ASPA: variants seen among roughly 807,000 people sequenced by gnomAD.
The protein encoded by ASPA is ACY-2.
A neutral mutation model predicts 29.6 loss-of-function variants in ASPA; 25 were observed. That is an observed-to-expected ratio of 0.85 (90% CI 0.62 to 1.18). The LOEUF is 1.18. Among genes scored for constraint, ASPA ranks in the 50% most tolerant of loss-of-function variants. The pLI, the probability that ASPA is intolerant of heterozygous loss-of-function variation, is 0.00. For missense variants in ASPA, 333 were observed against 385.7 expected (o/e 0.86, Z 1.14); for synonymous variants, 131 against 130.3 (o/e 1.01, Z -0.04).
chr17:3,496,882 C>T (rs185878294), intron 5 of ASPA, among the ~76,000 whole-genome samples: 37 of 152,106 alleles, frequency 2.4e-4, no homozygotes, highest in Admixed American at 1.2e-3. Context: ...CTGGCTAACA[C>T]GGTGAAACCC....
intron 5 of ASPA, among the ~76,000 whole-genome samples, chr17:3,494,870 G>A (rs930217990): frequency 1.3e-5 from 2 of 152,128 alleles, no homozygotes; most frequent in Non-Finnish European, 2.9e-5. Context: ...GGAAATACAG[G>A]GACGGAAGTT....
rs747159862 is a variant in ASPA at position 3,476,339 on chromosome 17, G to C, written c.180G>C (p.Lys60Asn). Reference sequence around the variant, plus strand: ...TTACTAACCCCAGAGCAGTGAAGAAGTGTACCAGATATATTGACTGTGACC... The same window carrying C: ...TTACTAACCCCAGAGCAGTGAAGAACTGTACCAGATATATTGACTGTGACC... ...PFITNPRAVKKCTRYIDCDLN... is the reference protein window; with the variant it reads ...PFITNPRAVKNCTRYIDCDLN... The change falls in exon 1 of 6, where the codon AAG becomes AAC. Residue 60 changes from lysine (K) to asparagine (N), a missense_variant. Lys to Asn is a moderately conservative substitution (Grantham distance 94). Coordinates refer to ENST00000263080, the MANE Select transcript of ASPA (RefSeq NM_000049.4). 1 of 1,614,150 alleles carries C rather than the reference G, an allele frequency of 6.2e-7. No individual in the cohort carries two copies. The highest frequency in any genetic ancestry group is 1.1e-5 in the South Asian group (1 of 91,082).
At chr17:3,497,924 G>T (rs188186896) in intron 5 of ASPA, among the ~76,000 whole-genome samples, 2 of 152,216 alleles carry the variant, frequency 1.3e-5, no homozygotes, top group Non-Finnish European at 2.9e-5. Flanking sequence ...AGTTTGAGAA[G>T]AACTGTTCTG....
intron 1 of ASPA, among the ~76,000 whole-genome samples, chr17:3,480,464 A>G (rs1182455865): frequency 6.6e-6 from 1 of 152,206 alleles, no homozygotes; most frequent in Non-Finnish European, 1.5e-5. Context: ...GCGCTGAATC[A>G]GTTCCTACGT....
upstream of ASPA, among the ~76,000 whole-genome samples, chr17:3,475,172 A>G (rs944346823): frequency 6.6e-6 from 1 of 152,222 alleles, no homozygotes; most frequent in East Asian, 1.9e-4. Flanking sequence ...CATGAAATCA[A>G]ATCAGATTTG....
rs1567611129 is a variant in ASPA at position 3,481,754 on chromosome 17, G to C, written c.388G>C (p.Asp130His). The part of the protein sequence containing the change: ...SNMGCTLILE[D>H]SRNNFLIQMF... ...CATGGGGTGCACTCTTATTCTTGAG[G>C]ATTCCAGGAATAACTTTTTAATTCA... The change falls in exon 2 of 6, where the codon GAT (aspartate) becomes CAT (histidine). Residue 130 changes from aspartate to histidine, a missense_variant. Asp to His is a moderately conservative substitution (Grantham distance 81, BLOSUM62 -1). Coordinates refer to ENST00000263080, the MANE Select transcript of ASPA (RefSeq NM_000049.4). 1 of 1,612,888 alleles carries C rather than the reference G, an allele frequency of 6.2e-7. No individual in the cohort carries two copies. Among genetic ancestry groups the C allele is most frequent in the Non-Finnish European group, 8.5e-7 (1 of 1,179,420 alleles).
Position 3,499,339 on chromosome 17 carries a change from G to A in ASPA, c.*251G>A. On this transcript the variant is annotated 3_prime_UTR_variant, in exon 6 of 6. Coordinates refer to ENST00000263080, the MANE Select transcript of ASPA (RefSeq NM_000049.4). ...GTTTATTATACATGATACTTGGGTA[G>A]CTCAACATTCTTAATAAACAGCCTT... 3.2e-6 allele frequency: 1 copy of A among 316,474 alleles called. No homozygotes were observed. Among genetic ancestry groups the A allele is most frequent in the Non-Finnish European group, 5.7e-6 (1 of 176,028 alleles). The allele number at this position is 316,474 out of a possible 1,614,324, so 19.6% of individuals were successfully genotyped here. A position where few individuals can be genotyped will look rare whatever the true frequency, so the allele number is the denominator to read the frequency against.
intron 1 of ASPA, 81 bp from the exon 2 acceptor site, chr17:3,481,522 T>C (rs2073626266): frequency 7.3e-7 from 1 of 1,363,996 alleles, no homozygotes; most frequent in Admixed American, 2.1e-5. Context: ...CGACTGGTTC[T>C]TTTTACACTG....
At chr17:3,481,530 C>G in intron 1 of ASPA, 73 bp from the exon 2 acceptor site, 1 of 1,408,682 alleles carries the variant, frequency 7.1e-7, no homozygotes, top group Non-Finnish European at 9.8e-7. Context: ...TCTTTTTACA[C>G]TGTGTTCTTA....
intron 5 of ASPA, 123 bp from the exon 6 acceptor site, chr17:3,498,768 T>G (rs1214123418): frequency 3.0e-6 from 3 of 993,404 alleles, no homozygotes; most frequent in Non-Finnish European, 4.2e-6. Flanking sequence ...TCTCAATGCC[T>G]CGCTCAAGTA....
intron 3 of ASPA, among the ~76,000 whole-genome samples, chr17:3,483,970 TA>T (rs1247235989): frequency 2.0e-5 from 3 of 152,132 alleles, no homozygotes; most frequent in African/African-American, 7.2e-5. Context: ...AAATTATTTT[TA>T]AAAAAACATT....
At position 3,481,769 on chromosome 17, in the gene ASPA, T is replaced by A. The variant is rs759976840; in HGVS notation, c.403T>A (p.Phe135Ile). The change falls in exon 2 of 6, where the codon TTT becomes ATT. Residue 135 changes from phenylalanine to isoleucine, a missense_variant. Transcript: ENST00000263080. ...TATTCTTGAGGATTCCAGGAATAAC[T>A]TTTTAATTCAGATGTTTCATTACAT... ...TLILEDSRNNFLIQMFHYIKT... is the reference protein window; with the variant it reads ...TLILEDSRNNILIQMFHYIKT... 6.2e-7 allele frequency: 1 copy of A among 1,611,730 alleles called. No homozygotes were observed. Among genetic ancestry groups the A allele is most frequent in the Non-Finnish European group, 8.5e-7 (1 of 1,178,608 alleles).
chr17:3,494,569 A>C, intron 5 of ASPA, 110 bp downstream of exon 5: 4 of 877,110 alleles, frequency 4.6e-6, no homozygotes, highest in African/African-American at 1.7e-5. Flanking sequence ...TGATGCTCTC[A>C]TTAGACACTG....
At chr17:3,496,575 C>T (rs540443195) in intron 5 of ASPA, among the ~76,000 whole-genome samples, 6 of 152,208 alleles carry the variant, frequency 3.9e-5, no homozygotes, top group East Asian at 1.9e-4. Flanking sequence ...GAGCAGAGGA[C>T]GGTAGAGCCT....
At chr17:3,494,223 C>G (rs898690999) in intron 4 of ASPA, 127 bp from the exon 5 acceptor site, 12 of 699,946 alleles carry the variant, frequency 1.7e-5, no homozygotes, top group Middle Eastern at 2.6e-4. Flanking sequence ...AGGCTGTTCT[C>G]GAACTCCTGA....
intron 1 of ASPA, among the ~76,000 whole-genome samples, chr17:3,480,826 C>T (rs112944501): frequency 4.6e-5 from 7 of 152,316 alleles, no homozygotes; most frequent in African/African-American, 1.7e-4. Flanking sequence ...ACAAGGATAG[C>T]TTGGAGATTA....
chr17:3,502,690 C>T lies in ASPA; in HGVS notation c.*3602C>T, dbSNP rs2150767479. The T allele has an allele frequency of 6.6e-6, 1 of 152,376 alleles. No individual in the cohort carries two copies. Among genetic ancestry groups the T allele is most frequent in the South Asian group, 2.1e-4 (1 of 4,828 alleles). The allele number at this position is 152,376 out of a possible 1,614,324, so 9.4% of individuals were successfully genotyped here. A position where few individuals can be genotyped will look rare whatever the true frequency, so the allele number is the denominator to read the frequency against. ...TTGCTACTGTGGCATGCCCACTGCT[C>T]TGCACTGACCTCATGGAGCAGAGAA... is the stretch of plus-strand genomic sequence containing the variant. On this transcript the variant is annotated 3_prime_UTR_variant, in exon 6 of 6. Transcript: ENST00000263080.
rs774323189 is a variant in ASPA at position 3,499,005 on chromosome 17, G to A, written c.859G>A (p.Ala287Thr). ...TVYPVFVNEA[A>T]YYEKKEAFAK... is the part of the protein sequence containing the mutation. ...GTACCCCGTGTTTGTGAATGAGGCCGCATATTACGAAAAGAAAGAAGCTTT... is the reference window on the plus strand; with the variant it reads ...GTACCCCGTGTTTGTGAATGAGGCCACATATTACGAAAAGAAAGAAGCTTT... Residue 287 changes from alanine (A) to threonine (T), a missense_variant, in exon 6 of 6, where the codon GCA becomes ACA. By Grantham distance (58) the Ala-to-Thr change is moderately conservative (BLOSUM62 0). Coordinates refer to ENST00000263080, the MANE Select transcript of ASPA (RefSeq NM_000049.4). 9.3e-6 allele frequency: 15 copies of A among 1,614,016 alleles called. No individual in the cohort carries two copies. The highest frequency in any genetic ancestry group is 4.0e-5 in the African/African-American group (3 of 74,916).
Position 3,490,639 on chromosome 17 carries a change from A to C in ASPA, c.634+1297A>C, listed in dbSNP as rs2073809082. Among the ~76,000 whole-genome samples, 1 of 152,204 alleles carries C rather than the reference A, an allele frequency of 6.6e-6. No homozygotes were observed. The highest frequency in any genetic ancestry group is 2.1e-4 in the South Asian group (1 of 4,830). On this transcript the variant is annotated intron_variant, in intron 4 of 5. Transcript: ENST00000263080. The surrounding 1 kb of genome is among the most constrained non-coding windows in gnomAD (Gnocchi z 4.6). ...ATTTGCTTTTTACCATCTTTGTCTG[A>C]GGGCAGGTTCTATACTGTCTAATGG...
Sources: allele counts gnomAD v4.1 joint callset (sites outside exome capture counted in the v4.1 genomes callset), GRCh38; gene constraint gnomAD v4.1.1; non-coding constraint Gnocchi (gnomAD v3.1); transcripts MANE v1.5; gene names NCBI Gene and HGNC (gene_info 2026-07-23, HGNC 2026-07-21).